Variants in RBFOX3 observed in about 807,000 individuals in gnomAD.
RBFOX3 encodes the protein RNA binding fox-1 homolog 3.
In RBFOX3, 17 loss-of-function variants were observed where a neutral mutation model predicts 48.7. That is an observed-to-expected ratio of 0.35 (90% confidence interval 0.24 to 0.52). RBFOX3 has a LOEUF of 0.52. RBFOX3 is among the 20% of genes least tolerant of loss of function. RBFOX3 has a pLI of 0.94. For synonymous variants in RBFOX3, 212 were observed against 209.5 expected (o/e 1.01, Z -0.10); for missense variants, 382 against 497.5 (o/e 0.77, Z 2.21).
intron 5 of RBFOX3, among the ~76,000 whole-genome samples, chr17:79,109,874 A>G (rs1419764836): frequency 6.6e-6 from 1 of 152,096 alleles, no homozygotes; most frequent in African/African-American, 2.4e-5. Flanking sequence ...GAAGGGGGTG[A>G]TGGGGTGTGA....
chr17:79,496,707 A>G (rs2081589276), intron 1 of RBFOX3, among the ~76,000 whole-genome samples: 2 of 152,138 alleles, frequency 1.3e-5, no homozygotes, highest in African/African-American at 4.8e-5. Flanking sequence ...GTGTCATTAG[A>G]GCTCTCCTAG....
chr17:79,294,006 TCA>T (rs2073900487), intron 3 of RBFOX3, among the ~76,000 whole-genome samples: 1 of 152,196 alleles, frequency 6.6e-6, no homozygotes, highest in South Asian at 2.1e-4. Flanking sequence ...TGACATAGTC[TCA>T]CAGAGTCACC....
intron 4 of RBFOX3, among the ~76,000 whole-genome samples, chr17:79,187,242 G>A (rs1032350803): frequency 6.6e-6 from 1 of 152,212 alleles, no homozygotes; most frequent in Non-Finnish European, 1.5e-5. Flanking sequence ...TAGTAGAAAG[G>A]AAGCAACTCC....
chr17:79,115,241 G>A (rs888093245), intron 5 of RBFOX3, among the ~76,000 whole-genome samples: 6 of 152,212 alleles, frequency 3.9e-5, no homozygotes, highest in Admixed American at 1.3e-4. Flanking sequence ...CTAGGTGCCC[G>A]GCCATTCCTC....
chr17:79,617,583 G>A, the RBFOX3 span, among the ~76,000 whole-genome samples: 2 of 152,184 alleles, frequency 1.3e-5, no homozygotes, highest in South Asian at 2.1e-4. Context: ...CCACAGCACC[G>A]TCTCCCACTC....
rs372817812 is a variant in RBFOX3, at chr17:79,477,332, G to T, written c.-175+5122C>A. Among the ~76,000 whole-genome samples, 3 of 150,364 alleles carry T rather than the reference G, an allele frequency of 2.0e-5. No individual in the cohort carries two copies. In the East Asian group the frequency reaches 5.9e-4, roughly 30 times the overall value. ...AGCACTTTGGGAGGCCAAGGCAGGT[G>T]GATCACGAGGTCAGGAGATCGAGAT... On this transcript the variant is annotated intron_variant, in intron 2 of 14. Coordinates refer to ENST00000693108, the MANE Select transcript of RBFOX3 (RefSeq NM_001350451.2). This position sits in a 1 kb window ranked among gnomAD's most constrained non-coding sequence, Gnocchi z 4.8.
intron 4 of RBFOX3, among the ~76,000 whole-genome samples, chr17:79,124,571 G>T (rs958047521): frequency 6.6e-6 from 1 of 152,226 alleles, no homozygotes; most frequent in Admixed American, 6.5e-5. Flanking sequence ...AAAGGCTAAT[G>T]TCCACGTGTC....
intron 4 of RBFOX3, chr17:79,132,639 C>T (rs28531881): frequency 0.061 from 9,310 of 152,280 alleles, 344 homozygotes; most frequent in Middle Eastern, 0.12. Context: ...TCTCCCCCTG[C>T]TCTGCCCTCA....
In RBFOX3 at chr17:79,356,372, T is replaced by TTTTTGTTTTTG. The variant is rs1555684852; in HGVS notation, c.-174-48549_-174-48548insCAAAAACAAAA. 3.5e-3 allele frequency among the ~76,000 whole-genome samples: 257 copies of TTTTTGTTTTTG among 73,984 alleles called. 5 individuals carry two copies. The highest frequency in any genetic ancestry group is 8.5e-3 in the South Asian group (16 of 1,878). 48.5% of individuals were successfully genotyped at this position (73,984 alleles called of 152,430 possible). ...AGTTTTTTTTTTTTTTTTTTTTTTTTTTTTTTTTTTTTTTGAGGAGGAGTC... is the reference window on the plus strand; with the variant it reads ...AGTTTTTTTTTTTTTTTTTTTTTTTTTTTTGTTTTTGTTTTTTTTTTTTTTGAGGAGGAGTC... On this transcript the variant is annotated intron_variant, in intron 2 of 14. Coordinates refer to ENST00000693108, the MANE Select transcript of RBFOX3 (RefSeq NM_001350451.2).
intron 2 of RBFOX3, among the ~76,000 whole-genome samples, chr17:79,402,849 T>G (rs1323139848): frequency 6.6e-6 from 1 of 152,090 alleles, no homozygotes; most frequent in Non-Finnish European, 1.5e-5. Flanking sequence ...ATCTCTACTA[T>G]GGGGGTGTGA....
chr17:79,604,704 G>C (rs960483012), intron 1 of RBFOX3, among the ~76,000 whole-genome samples: 1 of 152,210 alleles, frequency 6.6e-6, no homozygotes, highest in African/African-American at 2.4e-5. Context: ...ATTTCTAAAG[G>C]TACCAGGGTG....
intron 2 of RBFOX3, among the ~76,000 whole-genome samples, chr17:79,349,134 C>G (rs1272919256): frequency 6.6e-6 from 1 of 151,994 alleles, no homozygotes; most frequent in Admixed American, 6.5e-5. Context: ...CCACGCCTGG[C>G]GCTCCATCAT....
At chr17:79,422,734 T>C (rs1555723329) in intron 2 of RBFOX3, among the ~76,000 whole-genome samples, 1 of 151,734 alleles carries the variant, frequency 6.6e-6, no homozygotes, top group African/African-American at 2.4e-5. Flanking sequence ...GTCTAAATTG[T>C]GCCCCCTCCC....
At chr17:79,246,119 T>C (rs9893796) in intron 3 of RBFOX3, among the ~76,000 whole-genome samples, 2,702 of 152,338 alleles carry the variant, frequency 0.018, 90 homozygotes, top group African/African-American at 0.062. Flanking sequence ...TTGACTTTTA[T>C]CTGCTGACGT....
chr17:79,425,228 C>A (rs1358525839), intron 2 of RBFOX3, among the ~76,000 whole-genome samples: 1 of 152,200 alleles, frequency 6.6e-6, no homozygotes, highest in Non-Finnish European at 1.5e-5. Context: ...CCTGGAGCAC[C>A]CTCGTCCAGA....
chr17:79,355,740 T>C (rs959524545), intron 2 of RBFOX3, among the ~76,000 whole-genome samples: 7 of 152,022 alleles, frequency 4.6e-5, no homozygotes, highest in African/African-American at 1.7e-4. Flanking sequence ...ACCATCATGC[T>C]CAGCTAATGT....
intron 3 of RBFOX3, among the ~76,000 whole-genome samples, chr17:79,296,007 C>T (rs1179434825): frequency 1.3e-5 from 2 of 152,048 alleles, no homozygotes; most frequent in Admixed American, 1.3e-4. Context: ...TCTTCCATTT[C>T]CCAATTACAA....
intron 2 of RBFOX3, among the ~76,000 whole-genome samples, chr17:79,366,719 G>A (rs1430851662): frequency 1.3e-5 from 2 of 152,196 alleles, no homozygotes; most frequent in Non-Finnish European, 2.9e-5. Flanking sequence ...CAATGTTTGA[G>A]GAGCTGGAAG....
chr17:79,158,523 G>T (rs1039913614), intron 4 of RBFOX3, among the ~76,000 whole-genome samples: 3 of 152,166 alleles, frequency 2.0e-5, no homozygotes, highest in Non-Finnish European at 4.4e-5. Flanking sequence ...CACCTTGCTT[G>T]CAGCTCTCAC....
Sources: gnomAD v4.1 joint callset for allele counts (sites outside exome capture counted in the v4.1 genomes callset) on GRCh38, gnomAD v4.1.1 for gene constraint, Gnocchi (gnomAD v3.1) non-coding constraint, MANE v1.5 for transcripts, NCBI Gene and HGNC (gene_info 2026-07-23, HGNC 2026-07-21) for gene names.